Variants in MAK observed in about 807,000 individuals in gnomAD.
MAK encodes serine/threonine-protein kinase MAK.
A neutral mutation model predicts 82.6 loss-of-function variants in MAK; 65 were observed. The ratio of observed to expected loss-of-function variants is 0.79; its 90% CI spans 0.64 to 0.97. The LOEUF is 0.97. MAK is among the 50% of genes least tolerant of loss of function. The pLI, the probability that MAK is intolerant of heterozygous loss-of-function variation, is 0.00. For missense variants in MAK, 703 were observed against 780.2 expected (o/e 0.90, Z 1.18); for synonymous variants, 250 against 274.2 (o/e 0.91, Z 0.87).
intron 6 of MAK, among the ~76,000 whole-genome samples, chr6:10,806,505 ATTTTTTTTTTT>A (rs70991049): frequency 4.3e-5 from 5 of 117,128 alleles, no homozygotes; most frequent in Non-Finnish European, 5.2e-5. Context: ...CACCCGTCTA[ATTTTTTTTTTT>A]TTTTTTTTTT....
chr6:10,815,365 G>A (rs1457777744), intron 4 of MAK, among the ~76,000 whole-genome samples: 2 of 151,954 alleles, frequency 1.3e-5, no homozygotes, highest in South Asian at 2.1e-4. Context: ...GCTCCCCCCT[G>A]TAATCCCAGC....
rs147125254 is a variant in MAK at position 10,784,843 on chromosome 6, G to A, written c.1317-271C>T. On this transcript the variant is annotated intron_variant, in intron 10 of 14. Transcript: ENST00000354489. ...ACTTGTGTGTAACATGTTTCTATCTGTCCTGCAACGGCTGCAGTTGGATTC... is the reference window on the plus strand; with the variant it reads ...ACTTGTGTGTAACATGTTTCTATCTATCCTGCAACGGCTGCAGTTGGATTC... 5.0e-5 allele frequency: 29 copies of A among 583,340 alleles called. No individual in the cohort carries two copies. The East Asian group carries it at 1.1e-3, about 22-fold the overall frequency. The allele number at this position is 583,340 out of a possible 1,614,324, so 36.1% of individuals were successfully genotyped here. A position where few individuals can be genotyped will look rare whatever the true frequency, so the allele number is the denominator to read the frequency against.
chr6:10,824,718 T>C (rs1406631711), intron 2 of MAK, among the ~76,000 whole-genome samples: 1 of 152,224 alleles, frequency 6.6e-6, no homozygotes, highest in Admixed American at 6.5e-5. Flanking sequence ...AACCCCTTTG[T>C]GGCTTTCTTA....
chr6:10,815,727 G>T (rs1304542805), intron 4 of MAK, among the ~76,000 whole-genome samples: 1 of 151,516 alleles, frequency 6.6e-6, no homozygotes, highest in Non-Finnish European at 1.5e-5. Context: ...CTCTCAAAGT[G>T]CTGAGATTAC....
intron 8 of MAK, chr6:10,797,705 C>T: frequency 9.0e-7 from 1 of 1,107,664 alleles, no homozygotes; most frequent in South Asian, 2.1e-5. Flanking sequence ...TTAGCCAGTC[C>T]CCACATAGGT....
In MAK at chr6:10,768,448, G is replaced by T. The variant is rs568578324; in HGVS notation, c.1792+1663C>A. 5.3e-5 allele frequency among the ~76,000 whole-genome samples: 8 copies of T among 152,222 alleles called. No homozygotes were observed. The South Asian group carries it at 6.2e-4, about 12-fold the overall frequency. ...CAAAAAAAATTAGCTGGGCATGGTG[G>T]TGCATGCCTGTAATCCCAGCTGCTT... is the stretch of plus-strand genomic sequence containing the variant. On this transcript the variant is annotated intron_variant, in intron 14 of 14. Transcript: ENST00000354489.
chr6:10,824,413 C>T (rs1411326411), intron 2 of MAK, among the ~76,000 whole-genome samples: 1 of 152,182 alleles, frequency 6.6e-6, no homozygotes, highest in Non-Finnish European at 1.5e-5. Context: ...GTGGCTATTC[C>T]TACAACCACC....
At chr6:10,784,992 G>C in intron 10 of MAK, 1 of 439,742 alleles carries the variant, frequency 2.3e-6, no homozygotes, top group Non-Finnish European at 4.6e-6. Context: ...ACTGAAATGG[G>C]GAAAGAAGTG....
At chr6:10,833,068 A>T (rs1778920425) in intron 1 of MAK, among the ~76,000 whole-genome samples, 1 of 152,162 alleles carries the variant, frequency 6.6e-6, no homozygotes. Context: ...CTCTCACTGG[A>T]GCACTTTCAT....
At position 10,815,911 on chromosome 6, in the gene MAK, A is replaced by AATATATATATAT. The variant is rs1561991497; in HGVS notation, c.278+1938_278+1939insATATATATATAT. ...GTACTGTATTAGTGTAGCTTTATAC[A>AATATATATATAT]GTATATATATATATATATATATATA... On this transcript the variant is annotated intron_variant, in intron 4 of 14. Transcript: ENST00000354489. 5.4e-4 allele frequency among the ~76,000 whole-genome samples: 42 copies of AATATATATATAT among 78,170 alleles called. 1 individual carries two copies. The highest frequency in any genetic ancestry group is 2.1e-3 in the African/African-American group (30 of 14,054). 51.3% of individuals were successfully genotyped at this position (78,170 alleles called of 152,430 possible).
At chr6:10,805,535 C>T (rs566699001) in intron 6 of MAK, among the ~76,000 whole-genome samples, 26 of 148,454 alleles carry the variant, frequency 1.8e-4, no homozygotes. Flanking sequence ...TGCAGTGAGC[C>T]GAGATCGTGC....
At chr6:10,813,119 TA>T (rs1561987333) in intron 5 of MAK, among the ~76,000 whole-genome samples, 43 of 3,240 alleles carry the variant, frequency 0.013, 6 homozygotes, top group Non-Finnish European at 0.02. Context: ...TATATATATA[TA>T]TATATATATA....
intron 1 of MAK, chr6:10,838,196 C>T (rs1476767302): frequency 6.6e-6 from 1 of 152,382 alleles, no homozygotes; most frequent in Non-Finnish European, 1.5e-5. Flanking sequence ...CGGCCGTCAT[C>T]CTCCCACGCC....
chr6:10,825,967 T>A (rs1431338539), intron 2 of MAK, among the ~76,000 whole-genome samples: 1 of 152,180 alleles, frequency 6.6e-6, no homozygotes, highest in African/African-American at 2.4e-5. Context: ...TCGTCTCCAC[T>A]CTTCTGCTAA....
At chr6:10,833,871 T>G (rs1778981964) in intron 1 of MAK, among the ~76,000 whole-genome samples, 1 of 152,168 alleles carries the variant, frequency 6.6e-6, no homozygotes, top group Admixed American at 6.5e-5. Context: ...AGAATAGTTT[T>G]GTAAGTCATT....
chr6:10,810,031 G>A (rs1776791046), intron 5 of MAK, among the ~76,000 whole-genome samples: 1 of 150,710 alleles, frequency 6.6e-6, no homozygotes, highest in Admixed American at 6.6e-5. Context: ...CTGGGAGGCG[G>A]AGGTTGCAGT....
At chr6:10,777,884 T>C (rs549830344) in intron 11 of MAK, among the ~76,000 whole-genome samples, 1 of 152,294 alleles carries the variant, frequency 6.6e-6, no homozygotes, top group East Asian at 1.9e-4. Flanking sequence ...GTGATCCGCC[T>C]GCCTCAGCCT....
chr6:10,798,799 A>ATTATTTATTTATTTAT (rs59455975), intron 8 of MAK, among the ~76,000 whole-genome samples: 1 of 144,912 alleles, frequency 6.9e-6, no homozygotes, highest in Non-Finnish European at 1.5e-5. Flanking sequence ...GTTTAGAAAC[A>ATTATTTATTTATTTAT]TTATTTATTT....
intron 6 of MAK, among the ~76,000 whole-genome samples, chr6:10,804,756 C>G (rs569442975): frequency 6.6e-6 from 1 of 152,208 alleles, no homozygotes; most frequent in African/African-American, 2.4e-5. Flanking sequence ...TTTTTCCAAC[C>G]AAAATGTGTA....
Sources: allele counts gnomAD v4.1 joint callset (sites outside exome capture counted in the v4.1 genomes callset), GRCh38; gene constraint gnomAD v4.1.1; transcripts MANE v1.5; gene names NCBI Gene and HGNC (gene_info 2026-07-23, HGNC 2026-07-21).